SP110: variants seen among roughly 807,000 people sequenced by gnomAD.
The protein encoded by SP110 is SP110 nuclear body protein.
In SP110, 62 loss-of-function variants were observed where a neutral mutation model predicts 92.7. The ratio of observed to expected loss-of-function variants is 0.67; its 90% CI spans 0.55 to 0.83. The LOEUF is 0.83. Ranked by LOEUF, SP110 falls within the 40% of genes least tolerant of loss-of-function variation. SP110 has a pLI of 0.00. For synonymous variants in SP110, 273 were observed against 305.3 expected (o/e 0.89, Z 1.10); for missense variants, 793 against 863.9 (o/e 0.92, Z 1.03).
chr2:230,213,327 T>C (rs774683693), intron 3 of SP110, among the ~76,000 whole-genome samples: 2 of 152,362 alleles, frequency 1.3e-5, no homozygotes, highest in Non-Finnish European at 2.9e-5. Context: ...TTTTCTTTAA[T>C]CTTGGTGTCA....
intron 10 of SP110, among the ~76,000 whole-genome samples, chr2:230,186,449 T>C (rs2042363814): frequency 6.6e-6 from 1 of 152,236 alleles, no homozygotes; most frequent in Non-Finnish European, 1.5e-5. Context: ...ACTCCACTGC[T>C]GAATGAATGT....
In SP110 at chr2:230,165,471, G is replaced by A. The variant is rs767242489; in HGVS notation, c.*3653C>T. The stretch of plus-strand genomic sequence containing the variant: ...CACGTAACACACACTTTTAATTTTT[G>A]CTTTTGAATTACTTTATATGACATA... On this transcript the variant is annotated 3_prime_UTR_variant, in exon 19 of 19. Coordinates refer to ENST00000258381, the MANE Select transcript of SP110 (RefSeq NM_080424.4). Among the ~76,000 whole-genome samples the A allele has an allele frequency of 2.0e-5, 3 of 152,146 alleles. No individual in the cohort carries two copies. The highest frequency in any genetic ancestry group is 2.1e-4 in the South Asian group (1 of 4,828).
chr2:230,170,933 A>G, intron 17 of SP110, 172 bp from the exon 18 acceptor site: 1 of 676,308 alleles, frequency 1.5e-6, no homozygotes, highest in East Asian at 2.7e-5. Flanking sequence ...TAAGCCAAGT[A>G]TATGAATATG....
rs756828902 is a variant in SP110 at position 230,177,587 on chromosome 2, C to A, written c.1541G>T (p.Trp514Leu). The change falls in exon 14 of 19, where the codon TGG becomes TTG. Residue 514 changes from tryptophan to leucine, a missense_variant. Coordinates refer to ENST00000258381, the MANE Select transcript of SP110 (RefSeq NM_080424.4). ...TCCTTCACAACGTATATTCCGTTTC[C>A]AGTTCTTTGCGTTCCTTCCTTTTCC... is the stretch of plus-strand genomic sequence containing the variant. Reference protein sequence around the residue: ...VEGKGRNAKNWKRNIRCEGMT... With the variant: ...VEGKGRNAKNLKRNIRCEGMT... 6.2e-7 allele frequency: 1 copy of A among 1,614,124 alleles called. No individual in the cohort carries two copies. The highest frequency in any genetic ancestry group is 1.7e-5 in the Admixed American group (1 of 60,016).
chr2:230,200,986 G>A, intron 9 of SP110, 21 bp from the exon 10 acceptor site: 2 of 1,577,074 alleles, frequency 1.3e-6, no homozygotes, highest in South Asian at 1.1e-5. Context: ...AAAGATCTTA[G>A]TAAATGCCCC....
chr2:230,222,226 C>A (rs1427598985), upstream of SP110, among the ~76,000 whole-genome samples: 2 of 143,388 alleles, frequency 1.4e-5, no homozygotes, highest in Non-Finnish European at 3.0e-5. Context: ...TGAGATCCCG[C>A]CTCAAAAAAA....
intron 14 of SP110, chr2:230,173,206 T>A: frequency 2.1e-6 from 1 of 468,390 alleles, no homozygotes; most frequent in Non-Finnish European, 4.1e-6. Flanking sequence ...TGCCAACAGG[T>A]TCTGCTGCGT....
At chr2:230,204,105 A>C (rs191472196) in intron 8 of SP110, among the ~76,000 whole-genome samples, 8 of 152,374 alleles carry the variant, frequency 5.3e-5, no homozygotes, top group Non-Finnish European at 1.0e-4. Context: ...AAAAAACCTG[A>C]AAAATTTCAT....
intron 8 of SP110, chr2:230,202,968 A>G: frequency 1.8e-6 from 1 of 549,716 alleles, no homozygotes; most frequent in Non-Finnish European, 3.3e-6. Flanking sequence ...TGTTGCAATC[A>G]ACTAGATAAA....
At position 230,196,256 on chromosome 2, in the gene SP110, C is replaced by A. The variant is rs187919739; in HGVS notation, c.1129+4629G>T. On this transcript the variant is annotated intron_variant, in intron 10 of 18. Transcript: ENST00000258381. ...ACAAGTGTGCAAAGATACAAATACA[C>A]ACAAACCTGATTTCTATTTTCATAT... Among the ~76,000 whole-genome samples, 496 of 152,192 alleles carry A rather than the reference C, an allele frequency of 3.3e-3. 3 individuals are homozygous for A. Among genetic ancestry groups the A allele is most frequent in the African/African-American group, 0.011 (474 of 41,534 alleles).
Position 230,186,054 on chromosome 2 carries a change from C to G in SP110, c.1219G>C (p.Glu407Gln), listed in dbSNP as rs201353625. ...QRKDDSTWNSEVMMRVQKART... is the reference protein window; with the variant it reads ...QRKDDSTWNSQVMMRVQKART... ...GCCTTTTGGACCCTCATCATGACCT[C>G]TGAGTTCCAGGTTGAGTCGTCTTTC... The change falls in exon 11 of 19, where the codon GAG becomes CAG. Residue 407 changes from glutamate (E) to glutamine (Q), a missense_variant. Transcript: ENST00000258381. 1.7e-5 allele frequency: 28 copies of G among 1,613,978 alleles called. No individual in the cohort carries two copies. Among genetic ancestry groups the G allele is most frequent in the Non-Finnish European group, 2.3e-5 (27 of 1,179,992 alleles).
intron 12 of SP110, among the ~76,000 whole-genome samples, chr2:230,179,190 G>A (rs988196752): frequency 6.6e-6 from 1 of 152,164 alleles, no homozygotes; most frequent in Non-Finnish European, 1.5e-5. Context: ...TCATTTCTCT[G>A]GAAAGACACA....
Position 230,215,097 on chromosome 2 carries a change from T to C in SP110, c.169A>G (p.Asn57Asp). ...ACCACTCTGGATACAGGGATCAAAT[T>C]TCTACAGGCTTCCAGAGATTCCTAT... ...MYMESLEACR[N>D]LIPVSRVVHN... is the part of the protein sequence containing the mutation. The change falls in exon 3 of 19, where the codon AAT (asparagine) becomes GAT (aspartate). Residue 57 changes from asparagine (N) to aspartate (D), a missense_variant. By Grantham distance (23) the Asn-to-Asp change is conservative. Transcript: ENST00000258381. 1.2e-6 allele frequency: 2 copies of C among 1,613,808 alleles called. No individual in the cohort carries two copies. Among genetic ancestry groups the C allele is most frequent in the Non-Finnish European group, 1.7e-6 (2 of 1,179,700 alleles).
upstream of SP110, among the ~76,000 whole-genome samples, chr2:230,224,296 GAAGA>G (rs1408191718): frequency 1.3e-5 from 2 of 152,214 alleles, no homozygotes; most frequent in African/African-American, 4.8e-5. Flanking sequence ...AGGGCAGAGA[GAAGA>G]GAGAGAGGGG....
intron 1 of SP110, among the ~76,000 whole-genome samples, chr2:230,218,223 G>A (rs896499571): frequency 6.6e-6 from 1 of 152,208 alleles, no homozygotes; most frequent in Non-Finnish European, 1.5e-5. Context: ...ACTTCATTTT[G>A]TGTTGAACAG....
chr2:230,197,495 CCTGTTCACT>C (rs2042934402), intron 10 of SP110, among the ~76,000 whole-genome samples: 1 of 147,468 alleles, frequency 6.8e-6, no homozygotes, highest in Non-Finnish European at 1.5e-5. Flanking sequence ...TTGTAGGTTG[CCTGTTCACT>C]CTGATGGTAG....
intron 11 of SP110, among the ~76,000 whole-genome samples, chr2:230,184,605 T>C (rs970711383): frequency 6.6e-6 from 1 of 152,138 alleles, no homozygotes; most frequent in African/African-American, 2.4e-5. Flanking sequence ...ACTAAGCAAA[T>C]GGCTCCACAA....
At chr2:230,198,262 T>C (rs2042970773) in intron 10 of SP110, among the ~76,000 whole-genome samples, 1 of 152,118 alleles carries the variant, frequency 6.6e-6, no homozygotes, top group African/African-American at 2.4e-5. Flanking sequence ...GGCTCTTACA[T>C]GCTGTGACCC....
At chr2:230,220,871 T>C (rs1054943257), upstream of SP110, among the ~76,000 whole-genome samples, 1 of 151,774 alleles carries the variant, frequency 6.6e-6, no homozygotes, top group African/African-American at 2.4e-5. Flanking sequence ...ATTAACTGAG[T>C]GTGGTGGCAT....
Sources: allele counts gnomAD v4.1 joint callset (sites outside exome capture counted in the v4.1 genomes callset), GRCh38; gene constraint gnomAD v4.1.1; transcripts MANE v1.5; gene names NCBI Gene and HGNC (gene_info 2026-07-23, HGNC 2026-07-21).